CAPZB: variants seen among roughly 807,000 people sequenced by gnomAD.
The protein encoded by CAPZB is F-actin-capping protein subunit beta.
Under a neutral mutation model 38.1 loss-of-function variants are expected in CAPZB, and 2 were observed. The observed-to-expected ratio is 0.05, with a 90% CI of 0.02 to 0.17. The LOEUF (loss-of-function observed/expected upper bound fraction) is 0.17. Ranked by LOEUF, CAPZB falls within the 10% of genes least tolerant of loss-of-function variation. The pLI, the probability that CAPZB is intolerant of heterozygous loss-of-function variation, is 1.00. For synonymous variants in CAPZB, 107 were observed against 127.4 expected (o/e 0.84, Z 1.08); for missense variants, 161 against 334.2 (o/e 0.48, Z 4.04).
At chr1:19,390,532 A>G (rs146072984) in intron 2 of CAPZB, among the ~76,000 whole-genome samples, 132 of 152,360 alleles carry the variant, frequency 8.7e-4, no homozygotes, top group African/African-American at 3.0e-3. Context: ...ACTGGTCAGG[A>G]CAGTGCCTGC....
chr1:19,391,105 C>G (rs368767749), intron 2 of CAPZB, among the ~76,000 whole-genome samples: 17 of 151,940 alleles, frequency 1.1e-4, no homozygotes, highest in South Asian at 8.3e-4. Context: ...AACCCAACAG[C>G]TGATCACACG....
intron 1 of CAPZB, among the ~76,000 whole-genome samples, chr1:19,462,972 AACATTTCCATCATC>A (rs1340644433): frequency 3.9e-5 from 6 of 152,266 alleles, no homozygotes; most frequent in Non-Finnish European, 7.3e-5. Flanking sequence ...CCAGATATAG[AACATTTCCATCATC>A]ACAGAAAGTT....
chr1:19,406,711 G>C (rs977800758), intron 2 of CAPZB, among the ~76,000 whole-genome samples: 1 of 152,170 alleles, frequency 6.6e-6, no homozygotes, highest in Non-Finnish European at 1.5e-5. Flanking sequence ...GGGCATAAAA[G>C]ATCAACCTTG....
chr1:19,395,155 G>T (rs1254252265), intron 2 of CAPZB, among the ~76,000 whole-genome samples: 1 of 152,196 alleles, frequency 6.6e-6, no homozygotes, highest in East Asian at 1.9e-4. Flanking sequence ...CCCTTCGAGG[G>T]TGCAGCAGCA....
intron 1 of CAPZB, among the ~76,000 whole-genome samples, chr1:19,430,411 C>T (rs909828035): frequency 6.6e-6 from 1 of 152,194 alleles, no homozygotes; most frequent in African/African-American, 2.4e-5. Flanking sequence ...AACCAATTCA[C>T]TGTTTACACT....
At chr1:19,436,742 G>C in intron 1 of CAPZB, among the ~76,000 whole-genome samples, 1 of 152,186 alleles carries the variant, frequency 6.6e-6, no homozygotes, top group East Asian at 1.9e-4. Flanking sequence ...TCCTCATTCA[G>C]CATCTGGCAC....
At chr1:19,385,365 G>C (rs762387319) in intron 3 of CAPZB, 140 bp downstream of exon 3, 15 of 798,250 alleles carry the variant, frequency 1.9e-5, no homozygotes, top group Non-Finnish European at 2.0e-6. Context: ...AGAAAGGAGA[G>C]GAGGGCAGGG....
intron 1 of CAPZB, chr1:19,484,602 C>T (rs2094644122): frequency 8.3e-7 from 1 of 1,208,174 alleles, no homozygotes; most frequent in Middle Eastern, 3.6e-4. Flanking sequence ...CCACCCCATC[C>T]CTGATGGAGA....
At chr1:19,421,453 C>G (rs1310552001) in intron 1 of CAPZB, among the ~76,000 whole-genome samples, 2 of 152,186 alleles carry the variant, frequency 1.3e-5, no homozygotes, top group African/African-American at 4.8e-5. Context: ...GACAGTTCAT[C>G]CTGGAACACA....
chr1:19,428,766 G>A (rs2094432559), intron 1 of CAPZB, among the ~76,000 whole-genome samples: 1 of 152,120 alleles, frequency 6.6e-6, no homozygotes, highest in African/African-American at 2.4e-5. Flanking sequence ...TCCCCCGTGA[G>A]TCTTTCATCC....
At chr1:19,367,662 T>G (rs2094097004) in intron 4 of CAPZB, among the ~76,000 whole-genome samples, 1 of 152,130 alleles carries the variant, frequency 6.6e-6, no homozygotes, top group South Asian at 2.1e-4. Flanking sequence ...GGAAATTCCT[T>G]CCAGTACACA....
At chr1:19,476,176 A>C (rs1377620467) in intron 1 of CAPZB, among the ~76,000 whole-genome samples, 1 of 19,684 alleles carries the variant, frequency 5.1e-5, no homozygotes, top group African/African-American at 2.3e-4. Context: ...AAGTAGATAG[A>C]TAGATAGATA....
chr1:19,339,569 A>G lies in CAPZB; in HGVS notation c.780T>C (p.Asn260=). Residue 260 remains asparagine, a synonymous_variant, in exon 9 of 9, where the codon AAT becomes AAC. Coordinates refer to ENST00000264202, the MANE Select transcript of CAPZB (RefSeq NM_004930.5). The stretch of plus-strand genomic sequence containing the variant: ...TTCTCTTCAAAGCCTCCACCAGGTC[A>G]TTCTTCAGAGCTTCTTGTTTTGATT... ...ADKSKQEALK[N]DLVEALKRKQ... 6.2e-7 allele frequency: 1 copy of G among 1,614,182 alleles called. No individual in the cohort carries two copies. Among genetic ancestry groups the G allele is most frequent in the Non-Finnish European group, 8.5e-7 (1 of 1,179,964 alleles).
chr1:19,450,150 A>G (rs796592471), intron 1 of CAPZB, among the ~76,000 whole-genome samples: 1,152 of 108,342 alleles, frequency 0.011, 16 homozygotes, highest in African/African-American at 0.037. Context: ...TCTCCAAAAA[A>G]AAAAAAAAAA....
At chr1:19,388,662 T>G (rs1255427798) in intron 2 of CAPZB, among the ~76,000 whole-genome samples, 4 of 152,176 alleles carry the variant, frequency 2.6e-5, no homozygotes, top group African/African-American at 9.7e-5. Flanking sequence ...TATTAACATA[T>G]GACCTCAAGG....
intron 2 of CAPZB, among the ~76,000 whole-genome samples, chr1:19,395,415 A>C (rs1308446024): frequency 6.6e-6 from 1 of 152,182 alleles, no homozygotes; most frequent in Admixed American, 6.5e-5. Context: ...AGAGATAAAT[A>C]ATAAACAAAA....
At chr1:19,401,914 C>T (rs905019767) in intron 2 of CAPZB, among the ~76,000 whole-genome samples, 4 of 152,164 alleles carry the variant, frequency 2.6e-5, no homozygotes, top group African/African-American at 9.7e-5. Context: ...CAGCTAATAC[C>T]CTTCAATTCT....
At position 19,339,324 on chromosome 1, in the gene CAPZB, C is replaced by A. The variant is rs1446943064; in HGVS notation, c.*206G>T. 9.8e-6 allele frequency: 6 copies of A among 612,274 alleles called. No individual in the cohort carries two copies. In the Admixed American group the frequency reaches 1.4e-4, roughly 14 times the overall value. The allele number at this position is 612,274 out of a possible 1,614,324, so 37.9% of individuals were successfully genotyped here. A position where few individuals can be genotyped will look rare whatever the true frequency, so the allele number is the denominator to read the frequency against. On this transcript the variant is annotated 3_prime_UTR_variant, in exon 9 of 9. Transcript: ENST00000264202. ...ATGGAAATGTGGAGAGAACTGAGAG[C>A]GAGGTGTGGCAGAAGCAGGCTCGGA...
intron 4 of CAPZB, among the ~76,000 whole-genome samples, chr1:19,362,653 A>G (rs1176286571): frequency 2.0e-5 from 3 of 152,110 alleles, no homozygotes; most frequent in Admixed American, 2.0e-4. Context: ...TAAAAAAAAG[A>G]AAAAAGAAAG....
Sources: gnomAD v4.1 joint callset for allele counts (sites outside exome capture counted in the v4.1 genomes callset) on GRCh38, gnomAD v4.1.1 for gene constraint, MANE v1.5 for transcripts, NCBI Gene and HGNC (gene_info 2026-07-23, HGNC 2026-07-21) for gene names.